The following EBF2 variants were observed in gnomAD, a reference collection of about 807,000 sequenced individuals.
EBF2 encodes the protein transcription factor COE2.
EBF2 carries 21 observed loss-of-function variants against 72.8 expected under a neutral mutation model. The observed-to-expected ratio is 0.29, with a 90% CI of 0.20 to 0.42. The LOEUF (loss-of-function observed/expected upper bound fraction) is 0.42, where lower values mean the gene tolerates loss of function less well. EBF2 is among the 10% of genes least tolerant of loss of function. The pLI is 1.00. For synonymous variants in EBF2, 299 were observed against 274.2 expected, an observed-to-expected ratio of 1.09 and a Z score of -0.89; for missense variants, 637 against 731.2, an observed-to-expected ratio of 0.87 and a Z score of 1.49.
chr8:26,004,100 C>A (rs376342943), intron 6 of EBF2, among the ~76,000 whole-genome samples: 3 of 138,778 alleles, frequency 2.2e-5, no homozygotes, highest in East Asian at 4.2e-4. Flanking sequence ...TAGGACAAGA[C>A]TGACATGTTA....
intron 6 of EBF2, among the ~76,000 whole-genome samples, chr8:25,983,926 C>T (rs1190752393): frequency 6.6e-6 from 1 of 152,238 alleles, no homozygotes; most frequent in Admixed American, 6.5e-5. Context: ...AATAACTGTT[C>T]AATGACTGCT....
intron 6 of EBF2, among the ~76,000 whole-genome samples, chr8:25,957,680 T>C (rs898631220): frequency 6.6e-6 from 1 of 152,018 alleles, no homozygotes; most frequent in Non-Finnish European, 1.5e-5. Context: ...CTAGGCAACA[T>C]AGCAAGACCC....
chr8:25,920,882 G>A (rs1803297558), intron 6 of EBF2, among the ~76,000 whole-genome samples: 1 of 151,664 alleles, frequency 6.6e-6, no homozygotes, highest in Non-Finnish European at 1.5e-5. Context: ...TCTGAATGAT[G>A]TAGTGTGCTT....
chr8:26,004,893 C>T (rs538261839), intron 6 of EBF2, among the ~76,000 whole-genome samples: 5 of 151,884 alleles, frequency 3.3e-5, no homozygotes, highest in Non-Finnish European at 7.4e-5. Flanking sequence ...CACCTCATTC[C>T]ATAAAATAGA....
In EBF2 at chr8:25,858,661, T is replaced by C. The variant is rs1363799603; in HGVS notation, c.1343-157A>G. ...GCAGTCCATCTTTAGCTTTTTTTTT[T>C]TTTTTTTTTTTTTTTTGAGATAGAG... On this transcript the variant is annotated intron_variant, in intron 13 of 15. Transcript: ENST00000520164. Among the ~76,000 whole-genome samples, 19 of 142,360 alleles carry C rather than the reference T, an allele frequency of 1.3e-4. 1 individual carries two copies. Among genetic ancestry groups the C allele is most frequent in the Admixed American group, 1.0e-3 (15 of 14,320 alleles). The allele number at this position is 142,360 out of a possible 152,430, so 93.4% of individuals were successfully genotyped here.
intron 1 of EBF2, among the ~76,000 whole-genome samples, chr8:26,043,503 G>A (rs1166801915): frequency 6.6e-6 from 1 of 152,214 alleles, no homozygotes; most frequent in Non-Finnish European, 1.5e-5. Context: ...CTCGCAGGCG[G>A]GCCAGTCCCG....
At chr8:25,868,551 G>C (rs1409402356) in intron 10 of EBF2, among the ~76,000 whole-genome samples, 1 of 152,194 alleles carries the variant, frequency 6.6e-6, no homozygotes, top group East Asian at 1.9e-4. Context: ...CACGATCACA[G>C]CTCACTGCAA....
intron 5 of EBF2, among the ~76,000 whole-genome samples, chr8:26,039,259 G>A (rs1805559968): frequency 6.6e-6 from 1 of 151,854 alleles, no homozygotes; most frequent in Non-Finnish European, 1.5e-5. Flanking sequence ...AAAGGGTGGG[G>A]GGGGAATGCA....
intron 6 of EBF2, among the ~76,000 whole-genome samples, chr8:25,946,126 T>G (rs1378402637): frequency 6.6e-6 from 1 of 152,196 alleles, no homozygotes; most frequent in African/African-American, 2.4e-5. Context: ...ACTTCTAGAA[T>G]CTCCCGTTAA....
At chr8:26,018,434 C>CCT in intron 6 of EBF2, among the ~76,000 whole-genome samples, 1 of 141,738 alleles carries the variant, frequency 7.1e-6, no homozygotes, top group East Asian at 2.1e-4. Flanking sequence ...AGGTGGATCA[C>CCT]GAGGTCAGGA....
intron 6 of EBF2, among the ~76,000 whole-genome samples, chr8:26,008,864 A>G (rs1407623713): frequency 6.6e-6 from 1 of 150,474 alleles, no homozygotes; most frequent in Non-Finnish European, 1.5e-5. Flanking sequence ...AAAAAACACG[A>G]AAGTAAAGCA....
chr8:26,006,934 T>C (rs1481627111), intron 6 of EBF2, among the ~76,000 whole-genome samples: 1 of 152,180 alleles, frequency 6.6e-6, no homozygotes, highest in Admixed American at 6.5e-5. Flanking sequence ...CATATTTACA[T>C]TTTCACCTTT....
chr8:26,018,798 G>A (rs1805156438), intron 6 of EBF2, among the ~76,000 whole-genome samples: 1 of 151,980 alleles, frequency 6.6e-6, no homozygotes, highest in South Asian at 2.1e-4. Context: ...CCTGAGCTTG[G>A]ATAAACATTA....
intron 6 of EBF2, among the ~76,000 whole-genome samples, chr8:26,028,028 A>G (rs1410812695): frequency 6.6e-6 from 1 of 152,208 alleles, no homozygotes; most frequent in African/African-American, 2.4e-5. Context: ...GAAAAGAGTT[A>G]TATAAATGAA....
At chr8:25,924,761 C>T (rs779424505) in intron 6 of EBF2, among the ~76,000 whole-genome samples, 6 of 152,186 alleles carry the variant, frequency 3.9e-5, no homozygotes, top group Non-Finnish European at 7.3e-5. Flanking sequence ...GATGATCAGA[C>T]GTCTAAACCT....
intron 6 of EBF2, among the ~76,000 whole-genome samples, chr8:25,972,741 G>A (rs1804210253): frequency 1.3e-5 from 2 of 152,122 alleles, no homozygotes; most frequent in Non-Finnish European, 2.9e-5. Flanking sequence ...GTATACATGA[G>A]GGCGATGGTG....
intron 8 of EBF2, 44 bp from the exon 9 acceptor site, chr8:25,888,016 G>A (rs369567744): frequency 1.3e-6 from 2 of 1,548,948 alleles, no homozygotes; most frequent in Non-Finnish European, 1.7e-6. Context: ...TCTTTCATGG[G>A]TGTCCAACTT....
chr8:25,866,566 TA>T (rs1802323639), intron 10 of EBF2, among the ~76,000 whole-genome samples: 1 of 137,044 alleles, frequency 7.3e-6, no homozygotes, highest in East Asian at 2.0e-4. Context: ...ATGTATTATA[TA>T]ATTTATATAT....
intron 10 of EBF2, among the ~76,000 whole-genome samples, chr8:25,863,443 G>A (rs979217878): frequency 6.6e-6 from 1 of 151,998 alleles, no homozygotes; most frequent in African/African-American, 2.4e-5. Context: ...ATTATAAAAC[G>A]AGTGAGTGAA....
Sources: gnomAD v4.1 joint callset for allele counts (sites outside exome capture counted in the v4.1 genomes callset) on GRCh38, gnomAD v4.1.1 for gene constraint, MANE v1.5 for transcripts, NCBI Gene and HGNC (gene_info 2026-07-23, HGNC 2026-07-21) for gene names.